F11R: variants seen among roughly 807,000 people sequenced by gnomAD.
F11R encodes junctional adhesion molecule A.
A neutral mutation model predicts 39.3 loss-of-function variants in F11R; 27 were observed. The observed-to-expected ratio is 0.69, with a 90% CI of 0.51 to 0.95. F11R has a LOEUF of 0.95. Among genes scored for constraint, F11R ranks in the 40% least tolerant of loss-of-function variants. The probability of loss-of-function intolerance (pLI) is 0.00; values close to 1 mark genes in which losing one functional copy is unlikely to be tolerated. For synonymous variants in F11R, 131 were observed against 144.9 expected (o/e 0.90, Z 0.69); for missense variants, 335 against 372.7 (o/e 0.90, Z 0.83).
At chr1:161,000,589 G>A (rs1269995396) in intron 4 of F11R, 42 bp downstream of exon 4, 1 of 1,612,954 alleles carries the variant, frequency 6.2e-7, no homozygotes. Context: ...GCTATGAGAA[G>A]TAACTAACTC....
At chr1:161,001,482 G>A in intron 1 of F11R, 129 bp from the exon 2 acceptor site, 6 of 693,078 alleles carry the variant, frequency 8.7e-6, no homozygotes, top group Non-Finnish European at 1.5e-5. Context: ...CCAGACTTAT[G>A]CTCCCTCTGG....
intron 1 of F11R, 77 bp downstream of exon 1, chr1:161,020,933 G>T: frequency 7.7e-7 from 1 of 1,300,682 alleles, no homozygotes; most frequent in Non-Finnish European, 1.1e-6. Context: ...CCCTCCCGCG[G>T]GCTAGGGGCG....
chr1:161,000,839 A>T, intron 3 of F11R, 62 bp from the exon 4 acceptor site: 1 of 1,600,676 alleles, frequency 6.2e-7, no homozygotes, highest in East Asian at 2.2e-5. Context: ...GAGGCTGATG[A>T]AGGGGGCATC....
chr1:161,006,808 C>G (rs772059141), intron 1 of F11R, among the ~76,000 whole-genome samples: 10 of 152,188 alleles, frequency 6.6e-5, no homozygotes, highest in Non-Finnish European at 1.3e-4. Context: ...CCTCAGCCAT[C>G]CTGGTCCACA....
At chr1:161,009,644 A>C (rs1384549690) in intron 1 of F11R, among the ~76,000 whole-genome samples, 1 of 152,156 alleles carries the variant, frequency 6.6e-6, no homozygotes, top group Non-Finnish European at 1.5e-5. Flanking sequence ...CTCTACTTAC[A>C]TTGTGACTGA....
intron 1 of F11R, among the ~76,000 whole-genome samples, chr1:161,009,385 T>C (rs1319882677): frequency 1.3e-5 from 2 of 150,840 alleles, no homozygotes; most frequent in Admixed American, 6.6e-5. Flanking sequence ...CTTAGCATAA[T>C]AAAACTGGTA....
At chr1:161,001,898 G>T (rs1306949648) in intron 1 of F11R, among the ~76,000 whole-genome samples, 3 of 152,200 alleles carry the variant, frequency 2.0e-5, no homozygotes, top group Non-Finnish European at 2.9e-5. Flanking sequence ...AAGCATGACA[G>T]ATCGGCAAGA....
intron 1 of F11R, among the ~76,000 whole-genome samples, chr1:161,002,776 C>T (rs377514293): frequency 7.9e-5 from 12 of 151,752 alleles, no homozygotes; most frequent in African/African-American, 2.9e-4. Context: ...CCTTTAGGTT[C>T]TTTTTTTTAA....
intron 2 of F11R, 25 bp downstream of exon 2, chr1:161,001,259 AC>A (rs1254931533): frequency 1.9e-6 from 3 of 1,612,446 alleles, no homozygotes; most frequent in Non-Finnish European, 2.5e-6. Flanking sequence ...TCACCCTCAC[AC>A]CCTCCATGGC....
chr1:161,017,681 C>T (rs1055443147), intron 1 of F11R, among the ~76,000 whole-genome samples: 3 of 152,188 alleles, frequency 2.0e-5, no homozygotes, highest in East Asian at 1.9e-4. Context: ...ATGTGCTGAA[C>T]GCTGGTTCCC....
At chr1:161,000,494 C>T in intron 4 of F11R, 137 bp downstream of exon 4, 1 of 1,430,896 alleles carries the variant, frequency 7.0e-7, no homozygotes, top group South Asian at 1.2e-5. Context: ...AGGGGCTCAT[C>T]TCCCTCTCTG....
intron 1 of F11R, among the ~76,000 whole-genome samples, chr1:161,012,330 G>A (rs1345810718): frequency 6.6e-6 from 1 of 152,152 alleles, no homozygotes; most frequent in Admixed American, 6.6e-5. Context: ...CTGGCCAGGT[G>A]CAGTGCAGCA....
chr1:161,017,532 CA>C, intron 1 of F11R, among the ~76,000 whole-genome samples: 1 of 152,296 alleles, frequency 6.6e-6, no homozygotes, highest in African/African-American at 2.4e-5. Flanking sequence ...GTCTATGATG[CA>C]AAGACCTTTG....
intron 1 of F11R, among the ~76,000 whole-genome samples, chr1:161,013,548 T>C (rs1275219553): frequency 6.6e-6 from 1 of 152,120 alleles, no homozygotes; most frequent in Non-Finnish European, 1.5e-5. Flanking sequence ...CTCGTAAAGA[T>C]CAAGAGGCTC....
chr1:160,999,096 G>T lies in F11R; in HGVS notation c.816-5C>A. 6.2e-7 allele frequency: 1 copy of T among 1,614,182 alleles called. No homozygotes were observed. Among genetic ancestry groups the T allele is most frequent in the Non-Finnish European group, 8.5e-7 (1 of 1,180,034 alleles). On this transcript the variant is annotated splice_region_variant and splice_polypyrimidine_tract_variant and intron_variant, in intron 8 of 9. Coordinates refer to ENST00000368026, the MANE Select transcript of F11R (RefSeq NM_016946.6). ...ATCACCTTCTTACTCGAAGTCCTGT[G>T]AACAAGCCAGAAGACAGAGACACTC...
intron 1 of F11R, among the ~76,000 whole-genome samples, chr1:161,002,957 T>G (rs5778190): frequency 6.7e-5 from 4 of 60,068 alleles, no homozygotes; most frequent in African/African-American, 2.3e-4. Flanking sequence ...TATTTATTTG[T>G]TTTTTTTTTT....
chr1:161,010,935 C>G (rs1301591060), intron 1 of F11R, among the ~76,000 whole-genome samples: 6 of 142,718 alleles, frequency 4.2e-5, no homozygotes, highest in Admixed American at 3.6e-4. Flanking sequence ...GATTACGCCA[C>G]TGCACTCCAG....
chr1:161,015,873 G>GAT (rs1352895063), intron 1 of F11R, among the ~76,000 whole-genome samples: 5 of 152,030 alleles, frequency 3.3e-5, no homozygotes, highest in Non-Finnish European at 7.3e-5. Flanking sequence ...ATGGGAATGA[G>GAT]ATACCCCACC....
In F11R at chr1:161,001,010, A is replaced by G. The variant is rs1427006099; in HGVS notation, c.241+10T>C. 3 of 1,609,270 alleles carry G rather than the reference A, an allele frequency of 1.9e-6. No individual in the cohort carries two copies. Among genetic ancestry groups the G allele is most frequent in the Non-Finnish European group, 2.6e-6 (3 of 1,175,648 alleles). On this transcript the variant is annotated intron_variant, in intron 3 of 9. Coordinates refer to ENST00000368026, the MANE Select transcript of F11R (RefSeq NM_016946.6). ...ACCTAGGCAATCAGGAAGGAGGAGA[A>G]GCAACTCACCTGTGATCTTGTTATT...
Sources: allele counts gnomAD v4.1 joint callset (sites outside exome capture counted in the v4.1 genomes callset), GRCh38; gene constraint gnomAD v4.1.1; transcripts MANE v1.5; gene names NCBI Gene and HGNC (gene_info 2026-07-23, HGNC 2026-07-21).